KATNAL1: variants seen among roughly 807,000 people sequenced by gnomAD.
KATNAL1 encodes katanin catalytic subunit A1 like 1, also known as katanin p60 ATPase-containing subunit A-like 1.
KATNAL1 carries 32 observed loss-of-function variants against 55.2 expected under a neutral mutation model. The ratio of observed to expected loss-of-function variants is 0.58; its 90% CI spans 0.44 to 0.78. The LOEUF (loss-of-function observed/expected upper bound fraction) is 0.78, where lower values mean the gene tolerates loss of function less well. Among genes scored for constraint, KATNAL1 ranks in the 30% least tolerant of loss-of-function variants. The probability of loss-of-function intolerance (pLI) is 0.00; values close to 1 mark genes in which losing one functional copy is unlikely to be tolerated. For missense variants in KATNAL1, 466 were observed against 600.9 expected (o/e 0.78, Z 2.35); for synonymous variants, 193 against 193.6 (o/e 1.00, Z 0.02).
chr13:30,230,447 C>T (rs769946244), intron 8 of KATNAL1, 21 bp downstream of exon 8: 2 of 1,597,848 alleles, frequency 1.3e-6, no homozygotes, highest in South Asian at 2.3e-5. Flanking sequence ...AGTTTTGAAA[C>T]AATAATTAAA....
chr13:30,255,028 A>C (rs2137461331), intron 4 of KATNAL1, among the ~76,000 whole-genome samples: 1 of 152,378 alleles, frequency 6.6e-6, no homozygotes, highest in African/African-American at 2.4e-5. Context: ...TCTACAGATA[A>C]ATCAAAGATA....
At chr13:30,239,176 A>AC (rs1876994931) in intron 6 of KATNAL1, among the ~76,000 whole-genome samples, 1 of 152,162 alleles carries the variant, frequency 6.6e-6, no homozygotes, top group Admixed American at 6.5e-5. Context: ...TCGGGAGACC[A>AC]AGGTGGGAGG....
intron 9 of KATNAL1, among the ~76,000 whole-genome samples, chr13:30,218,227 T>TATATATAAAA (rs1555258842): frequency 1.4e-5 from 2 of 145,262 alleles, no homozygotes; most frequent in African/African-American, 5.1e-5. Context: ...TATATATATA[T>TATATATAAAA]AAAGGACCTG....
intron 3 of KATNAL1, among the ~76,000 whole-genome samples, chr13:30,268,248 G>T (rs1425341634): frequency 1.3e-5 from 2 of 152,188 alleles, no homozygotes; most frequent in Non-Finnish European, 2.9e-5. Flanking sequence ...ATATTGAAAT[G>T]ACTTGTTAAA....
intron 9 of KATNAL1, among the ~76,000 whole-genome samples, chr13:30,214,396 T>C (rs1328808846): frequency 1.3e-5 from 2 of 152,138 alleles, no homozygotes; most frequent in African/African-American, 4.8e-5. Flanking sequence ...TACCAATGAC[T>C]TTCTTCACAG....
chr13:30,275,226 T>C (rs956526715), intron 3 of KATNAL1, among the ~76,000 whole-genome samples: 4 of 152,118 alleles, frequency 2.6e-5, no homozygotes, highest in African/African-American at 9.7e-5. Context: ...CTTACAACCA[T>C]GGCAGAAGGC....
chr13:30,285,348 CGTG>C (rs1405416554), intron 1 of KATNAL1, among the ~76,000 whole-genome samples: 1 of 152,120 alleles, frequency 6.6e-6, no homozygotes, highest in Non-Finnish European at 1.5e-5. Context: ...GGCAGGACCA[CGTG>C]GTGGTAACGG....
chr13:30,291,141 A>G (rs1467540643), intron 1 of KATNAL1, among the ~76,000 whole-genome samples: 1 of 152,234 alleles, frequency 6.6e-6, no homozygotes, highest in African/African-American at 2.4e-5. Flanking sequence ...ATTGGAAAAG[A>G]AGTAAAGCTG....
At chr13:30,228,402 A>G (rs1261327759) in intron 8 of KATNAL1, among the ~76,000 whole-genome samples, 1 of 151,758 alleles carries the variant, frequency 6.6e-6, no homozygotes, top group Non-Finnish European at 1.5e-5. Flanking sequence ...TCACTGAAAC[A>G]TATAATATTT....
In KATNAL1 at chr13:30,240,449, T is replaced by C. The variant is rs1362989439; in HGVS notation, c.726+11A>G. On this transcript the variant is annotated intron_variant, in intron 6 of 10. Coordinates refer to ENST00000380615, the MANE Select transcript of KATNAL1 (RefSeq NM_032116.5). ...CATTCTTATATCAAAACCAATTTAA[T>C]AAATTCTCACCTTCCATGGCCTTCT... The C allele has an allele frequency of 5.7e-6, 9 of 1,576,432 alleles. No homozygotes were observed. Among genetic ancestry groups the C allele is most frequent in the Non-Finnish European group, 7.8e-6 (9 of 1,146,614 alleles).
intron 3 of KATNAL1, among the ~76,000 whole-genome samples, chr13:30,259,155 C>T (rs1879034075): frequency 6.6e-6 from 1 of 152,198 alleles, no homozygotes; most frequent in African/African-American, 2.4e-5. Flanking sequence ...GCCATGCCAA[C>T]ATGGCGAAAC....
chr13:30,236,782 T>C (rs1459378087), intron 6 of KATNAL1, among the ~76,000 whole-genome samples: 4 of 152,210 alleles, frequency 2.6e-5, no homozygotes, highest in Non-Finnish European at 4.4e-5. Flanking sequence ...TTTGTTACTA[T>C]GTCCCATATA....
chr13:30,269,381 G>A (rs532234139), intron 3 of KATNAL1, among the ~76,000 whole-genome samples: 1 of 152,370 alleles, frequency 6.6e-6, no homozygotes, highest in Non-Finnish European at 1.5e-5. Flanking sequence ...GGTTCACTCA[G>A]TGCTCAATGG....
chr13:30,269,483 C>T (rs889425029), intron 3 of KATNAL1, among the ~76,000 whole-genome samples: 3 of 152,218 alleles, frequency 2.0e-5, no homozygotes, highest in Non-Finnish European at 4.4e-5. Flanking sequence ...AGTCTCTGCC[C>T]GGCCGCCACC....
intron 9 of KATNAL1, among the ~76,000 whole-genome samples, chr13:30,225,596 T>C (rs1261797802): frequency 1.3e-5 from 2 of 151,060 alleles, no homozygotes; most frequent in South Asian, 2.1e-4. Flanking sequence ...GAAAACTCCT[T>C]TCAGTAAGTG....
At chr13:30,225,679 C>G (rs1259254017) in intron 9 of KATNAL1, among the ~76,000 whole-genome samples, 1 of 139,736 alleles carries the variant, frequency 7.2e-6, no homozygotes, top group Non-Finnish European at 1.6e-5. Context: ...CACACACACA[C>G]ACACACAAAT....
rs1434661728 is a variant in KATNAL1, at chr13:30,307,445, A to AGGC, written c.-132_-130dup. On this transcript the variant is annotated 5_prime_UTR_variant, in exon 1 of 11. Transcript: ENST00000380615. ...CCGTTAGCTCGCGACGTGCGTGAAA[A>AGGC]GGCGGCGGCGGCGTAGTGTTGCCAT... 2.0e-5 allele frequency: 3 copies of AGGC among 152,788 alleles called. No homozygotes were observed. Among genetic ancestry groups the AGGC allele is most frequent in the Admixed American group, 6.5e-5 (1 of 15,306 alleles). 9.5% of individuals were successfully genotyped at this position (152,788 alleles called of 1,614,324 possible).
chr13:30,301,813 G>C (rs1238485161), intron 1 of KATNAL1, among the ~76,000 whole-genome samples: 3 of 152,158 alleles, frequency 2.0e-5, no homozygotes, highest in Admixed American at 6.5e-5. Flanking sequence ...GCTTTGAACA[G>C]CCTAAAACCT....
Position 30,204,690 on chromosome 13 carries a change from TAG to T in KATNAL1, c.*3848_*3849del, listed in dbSNP as rs2137320630. On this transcript the variant is annotated 3_prime_UTR_variant, in exon 11 of 11. Coordinates refer to ENST00000380615, the MANE Select transcript of KATNAL1 (RefSeq NM_032116.5). ...CCTGATGTATGTGTATGACTGTCCA[TAG>T]ATTCACCAGGTATTGGTTTGCTTAC... 1 of 152,360 alleles carries T rather than the reference TAG, an allele frequency of 6.6e-6. No individual in the cohort carries two copies. Among genetic ancestry groups the T allele is most frequent in the Non-Finnish European group, 1.5e-5 (1 of 68,026 alleles). The allele number at this position is 152,360 out of a possible 1,614,324, so 9.4% of individuals were successfully genotyped here.
Sources: allele counts gnomAD v4.1 joint callset (sites outside exome capture counted in the v4.1 genomes callset), GRCh38; gene constraint gnomAD v4.1.1; transcripts MANE v1.5; gene names NCBI Gene and HGNC (gene_info 2026-07-23, HGNC 2026-07-21).